The following ABCB11 variants were observed in gnomAD, a reference collection of about 807,000 sequenced individuals.
ABCB11 encodes the protein ATP binding cassette subfamily B member 11, also known as bile salt export pump.
In ABCB11, 95 loss-of-function variants were observed where a neutral mutation model predicts 148.0. The observed-to-expected ratio is 0.64, with a 90% CI of 0.54 to 0.76. ABCB11 has a LOEUF of 0.76. Ranked by LOEUF, ABCB11 falls within the 30% of genes least tolerant of loss-of-function variation. ABCB11 has a pLI of 0.00. For synonymous variants in ABCB11, 591 were observed against 555.4 expected (o/e 1.06, Z -0.90); for missense variants, 1,523 against 1,617.8 (o/e 0.94, Z 1.01).
chr2:168,977,902 G>A (rs1693980692), intron 11 of ABCB11, among the ~76,000 whole-genome samples: 1 of 152,028 alleles, frequency 6.6e-6, no homozygotes, highest in Non-Finnish European at 1.5e-5. Context: ...TCGACACATG[G>A]GGATTACAGT....
Position 168,976,698 on chromosome 2 carries a change from A to G in ABCB11, c.1198-11T>C. On this transcript the variant is annotated splice_polypyrimidine_tract_variant and intron_variant, in intron 11 of 27. Transcript: ENST00000650372. ...GTCAATGATGGGTTTCTGGAGTGAA[A>G]TACAAAAGGGACACAGTGTAAACTC... 1.3e-6 allele frequency: 2 copies of G among 1,545,870 alleles called. No individual in the cohort carries two copies. Among genetic ancestry groups the G allele is most frequent in the South Asian group, 1.1e-5 (1 of 89,484 alleles).
At chr2:169,024,001 C>A (rs184472702) in intron 1 of ABCB11, among the ~76,000 whole-genome samples, 1 of 151,822 alleles carries the variant, frequency 6.6e-6, no homozygotes, top group Admixed American at 6.6e-5. Flanking sequence ...GATATGGATA[C>A]AGGGAGCACA....
At chr2:168,993,275 T>C (rs1053057806) in intron 8 of ABCB11, among the ~76,000 whole-genome samples, 3 of 152,044 alleles carry the variant, frequency 2.0e-5, no homozygotes, top group African/African-American at 7.2e-5. Context: ...AATAGGCATA[T>C]TGGAGAGTGA....
chr2:168,924,589 T>C, intron 27 of ABCB11, 68 bp downstream of exon 27: 2 of 1,520,748 alleles, frequency 1.3e-6, no homozygotes, highest in Non-Finnish European at 1.8e-6. Context: ...TGCCATTTTA[T>C]TAAGGACAAA....
At chr2:168,917,184 T>TA (rs1690957465), downstream of ABCB11, among the ~76,000 whole-genome samples, 1 of 116,052 alleles carries the variant, frequency 8.6e-6, no homozygotes, top group African/African-American at 3.6e-5. Flanking sequence ...AGTAACTATA[T>TA]AAAAAAGAGT....
At chr2:168,981,214 C>G (rs1192839823) in intron 10 of ABCB11, among the ~76,000 whole-genome samples, 1 of 152,136 alleles carries the variant, frequency 6.6e-6, no homozygotes, top group African/African-American at 2.4e-5. Flanking sequence ...TCAGCCATGT[C>G]TCTCCCTCTT....
At chr2:168,932,158 C>T (rs1001649066) in intron 24 of ABCB11, among the ~76,000 whole-genome samples, 1 of 152,112 alleles carries the variant, frequency 6.6e-6, no homozygotes, top group African/African-American at 2.4e-5. Context: ...CCTCCCCTAC[C>T]CCACACCATC....
chr2:168,990,439 G>A (rs1442138641), intron 9 of ABCB11, among the ~76,000 whole-genome samples: 5 of 152,070 alleles, frequency 3.3e-5, no homozygotes, highest in African/African-American at 1.2e-4. Flanking sequence ...TATTTCTGTG[G>A]TATCAGTTGT....
intron 21 of ABCB11, among the ~76,000 whole-genome samples, chr2:168,939,951 G>A (rs966041325): frequency 2.0e-5 from 3 of 152,002 alleles, no homozygotes; most frequent in Non-Finnish European, 2.9e-5. Context: ...AGAGCACCAC[G>A]AACCACGCCA....
At position 168,964,299 on chromosome 2, in the gene ABCB11, G is replaced by A. The variant is rs772992708; in HGVS notation, c.2085C>T (p.Ile695=). The change falls in exon 18 of 28, where the codon ATC becomes ATT. Residue 695 remains isoleucine, a synonymous_variant. Transcript: ENST00000650372. ...GSYQDSLRAS[I]RQRSKSQLSY... ...AAAGCTGAGACTTGGAGCGTTGCCG[G>A]ATGGAAGCCCTGTAAATAAACAGAA... The A allele has an allele frequency of 1.3e-6, 2 of 1,562,774 alleles. No homozygotes were observed. Among genetic ancestry groups the A allele is most frequent in the East Asian group, 4.7e-5 (2 of 42,196 alleles).
chr2:168,979,735 G>A (rs1241978846), intron 11 of ABCB11, 131 bp downstream of exon 11: 2 of 362,058 alleles, frequency 5.5e-6, no homozygotes, highest in African/African-American at 2.2e-5. Flanking sequence ...TTTAATAAGT[G>A]TTGCTGAATT....
At chr2:168,946,694 G>A (rs1692339151) in intron 19 of ABCB11, among the ~76,000 whole-genome samples, 1 of 151,668 alleles carries the variant, frequency 6.6e-6, no homozygotes, top group Non-Finnish European at 1.5e-5. Context: ...CTATAGAACA[G>A]CAGATTTTCC....
chr2:168,934,796 T>C (rs1691741824), intron 23 of ABCB11, among the ~76,000 whole-genome samples: 1 of 152,226 alleles, frequency 6.6e-6, no homozygotes, highest in African/African-American at 2.4e-5. Context: ...TTCTATTCCT[T>C]AAACCTGGGC....
intron 10 of ABCB11, among the ~76,000 whole-genome samples, chr2:168,982,058 A>G (rs1694152131): frequency 6.6e-6 from 1 of 152,148 alleles, no homozygotes; most frequent in Admixed American, 6.6e-5. Flanking sequence ...CAACATCCCA[A>G]TAAGCCATCA....
chr2:168,970,976 CTT>C (rs1693555874), intron 14 of ABCB11, among the ~76,000 whole-genome samples: 1 of 151,972 alleles, frequency 6.6e-6, no homozygotes, highest in Non-Finnish European at 1.5e-5. Context: ...GCTTTATACT[CTT>C]TAACTACTAG....
At chr2:169,006,061 C>T (rs761082585) in intron 5 of ABCB11, among the ~76,000 whole-genome samples, 10 of 151,972 alleles carry the variant, frequency 6.6e-5, no homozygotes, top group Admixed American at 1.3e-4. Flanking sequence ...CAGAATTATC[C>T]GATACCAAAA....
At chr2:168,974,251 A>G (rs929576177) in intron 12 of ABCB11, among the ~76,000 whole-genome samples, 1 of 152,044 alleles carries the variant, frequency 6.6e-6, no homozygotes, top group South Asian at 2.1e-4. Context: ...TTTACTGATC[A>G]TGGATTAACA....
rs71397686 is a variant in ABCB11 at position 169,016,979 on chromosome 2, T to TACACACACAC, written c.77-190_77-181dup. Among the ~76,000 whole-genome samples the TACACACACAC allele has an allele frequency of 2.6e-3, 361 of 138,098 alleles. 1 individual carries two copies. Among genetic ancestry groups the TACACACACAC allele is most frequent in the South Asian group, 6.2e-3 (25 of 4,050 alleles). 90.6% of individuals were successfully genotyped at this position (138,098 alleles called of 152,430 possible). On this transcript the variant is annotated intron_variant, in intron 2 of 27. Coordinates refer to ENST00000650372, the MANE Select transcript of ABCB11 (RefSeq NM_003742.4). ...CTCATATTGTCTCTCTCTATCTTTC[T>TACACACACAC]ACACACACACACACACACACACACA...
intron 21 of ABCB11, among the ~76,000 whole-genome samples, chr2:168,944,395 A>G (rs1177135909): frequency 6.6e-6 from 1 of 152,062 alleles, no homozygotes; most frequent in Admixed American, 6.6e-5. Flanking sequence ...ATTTTGGTGC[A>G]TGCCATATAT....
Sources: gnomAD v4.1 joint callset for allele counts (sites outside exome capture counted in the v4.1 genomes callset) on GRCh38, gnomAD v4.1.1 for gene constraint, MANE v1.5 for transcripts, NCBI Gene and HGNC (gene_info 2026-07-23, HGNC 2026-07-21) for gene names.